Variants in JAKMIP2 observed in about 807,000 individuals in gnomAD.
JAKMIP2 encodes janus kinase and microtubule interacting protein 2.
Under a neutral mutation model 115.0 loss-of-function variants are expected in JAKMIP2, and 25 were observed. The ratio of observed to expected loss-of-function variants is 0.22; its 90% CI spans 0.16 to 0.30. JAKMIP2 has a LOEUF of 0.30. Ranked by LOEUF, JAKMIP2 falls within the 10% of genes least tolerant of loss-of-function variation. The pLI is 1.00. For missense variants in JAKMIP2, 642 were observed against 957.6 expected (o/e 0.67, Z 4.35); for synonymous variants, 334 against 343.6 (o/e 0.97, Z 0.31).
chr5:147,629,798 C>G (rs745709405), intron 14 of JAKMIP2, 52 bp from the exon 15 acceptor site: 29 of 1,410,540 alleles, frequency 2.1e-5, no homozygotes, highest in Non-Finnish European at 2.8e-5. Context: ...CCTCCTATTC[C>G]ATCAGTGCCT....
intron 1 of JAKMIP2, among the ~76,000 whole-genome samples, chr5:147,780,064 G>A (rs977303848): frequency 1.3e-5 from 2 of 152,078 alleles, no homozygotes; most frequent in Non-Finnish European, 2.9e-5. Context: ...TGAAACAAAC[G>A]ATTGCCATAT....
chr5:147,747,657 C>T (rs1298045505), intron 1 of JAKMIP2, among the ~76,000 whole-genome samples: 2 of 152,104 alleles, frequency 1.3e-5, no homozygotes, highest in Non-Finnish European at 2.9e-5. Context: ...GAGAGACTGT[C>T]CACTCAGAAT....
chr5:147,730,011 A>G (rs1460150895), intron 1 of JAKMIP2, among the ~76,000 whole-genome samples: 1 of 152,160 alleles, frequency 6.6e-6, no homozygotes, highest in Admixed American at 6.5e-5. Context: ...AATAGGAAGA[A>G]CAGCCATCTG....
intron 1 of JAKMIP2, among the ~76,000 whole-genome samples, chr5:147,718,732 C>T (rs1314997521): frequency 6.6e-6 from 1 of 152,114 alleles, no homozygotes; most frequent in African/African-American, 2.4e-5. Context: ...TTAGATTCTT[C>T]TCTCTTTTTT....
At position 147,661,164 on chromosome 5, in the gene JAKMIP2, G is replaced by A. The variant is rs765103823; in HGVS notation, c.411C>T (p.Ala137=). 4 of 1,613,842 alleles carry A rather than the reference G, an allele frequency of 2.5e-6. No homozygotes were observed. The highest frequency in any genetic ancestry group is 2.7e-5 in the African/African-American group (2 of 74,822). ...CAAACAGTTTCCGGGCCTCCTCCCG[G>A]GCCTCAATGGTGAGCGCTGTCCTTA... is the stretch of plus-strand genomic sequence containing the variant. ...DKVRTALTIE[A]REEARKLFDT... Residue 137 remains alanine (A), a synonymous_variant, in exon 3 of 22, where the codon GCC becomes GCT. Coordinates refer to ENST00000616793, the MANE Select transcript of JAKMIP2 (RefSeq NM_001270941.2).
intron 2 of JAKMIP2, among the ~76,000 whole-genome samples, chr5:147,662,609 GCT>G (rs1759071447): frequency 6.6e-6 from 1 of 151,772 alleles, no homozygotes; most frequent in African/African-American, 2.4e-5. Flanking sequence ...CTGCTGCTTG[GCT>G]CTGTCTCTGT....
chr5:147,590,608 A>C lies in JAKMIP2; in HGVS notation c.*1099T>G, dbSNP rs1314549989. The stretch of plus-strand genomic sequence containing the variant: ...AGTTTAATATTCACATCTCTGTGGC[A>C]AACCCGACTCTTGGTAGAAATTTAC... On this transcript the variant is annotated 3_prime_UTR_variant, in exon 22 of 22. Transcript: ENST00000616793. 1 of 152,256 alleles carries C rather than the reference A, an allele frequency of 6.6e-6. No homozygotes were observed. The highest frequency in any genetic ancestry group is 1.5e-5 in the Non-Finnish European group (1 of 68,050). The allele number at this position is 152,256 out of a possible 1,614,324, so 9.4% of individuals were successfully genotyped here. A position where few individuals can be genotyped will look rare whatever the true frequency, so the allele number is the denominator to read the frequency against.
intron 17 of JAKMIP2, among the ~76,000 whole-genome samples, chr5:147,621,771 C>T (rs1398627671): frequency 6.6e-6 from 1 of 152,162 alleles, no homozygotes; most frequent in African/African-American, 2.4e-5. Flanking sequence ...TAATGTGCCA[C>T]ACAAATGCAA....
intron 17 of JAKMIP2, among the ~76,000 whole-genome samples, chr5:147,621,476 C>A (rs117454284): frequency 1.3e-5 from 2 of 152,158 alleles, no homozygotes; most frequent in Non-Finnish European, 2.9e-5. Flanking sequence ...TTTGAGAGAT[C>A]GTGTATCTGT....
chr5:147,718,394 A>G (rs1446420803), intron 1 of JAKMIP2, among the ~76,000 whole-genome samples: 1 of 151,596 alleles, frequency 6.6e-6, no homozygotes, highest in Non-Finnish European at 1.5e-5. Flanking sequence ...CTCTTTTTCT[A>G]TTGATTAGAA....
intron 9 of JAKMIP2, 103 bp downstream of exon 9, chr5:147,640,601 C>G (rs1757836657): frequency 4.2e-6 from 5 of 1,203,694 alleles, no homozygotes; most frequent in Non-Finnish European, 5.9e-6. Context: ...TCACTTTGTG[C>G]TGTTTATATA....
chr5:147,637,542 C>A (rs983818964), intron 10 of JAKMIP2, among the ~76,000 whole-genome samples: 1 of 150,104 alleles, frequency 6.7e-6, no homozygotes, highest in African/African-American at 2.5e-5. Context: ...TGGGTTCAAG[C>A]AATTCTCCCG....
chr5:147,708,339 A>G (rs1034434885), intron 1 of JAKMIP2, among the ~76,000 whole-genome samples: 5 of 152,152 alleles, frequency 3.3e-5, no homozygotes, highest in Non-Finnish European at 7.3e-5. Flanking sequence ...CCACACAGCA[A>G]TTAGGTTCTA....
At chr5:147,781,236 CT>C (rs1415781032) in intron 1 of JAKMIP2, among the ~76,000 whole-genome samples, 1 of 152,120 alleles carries the variant, frequency 6.6e-6, no homozygotes. Context: ...CAAAACAATC[CT>C]ACTTTCCTAC....
intron 5 of JAKMIP2, among the ~76,000 whole-genome samples, chr5:147,646,858 A>G (rs1353071000): frequency 6.6e-6 from 1 of 151,540 alleles, no homozygotes; most frequent in Non-Finnish European, 1.5e-5. Flanking sequence ...ATCTAGTAAC[A>G]TAATTTCTAA....
chr5:147,742,917 C>G (rs1754204104), intron 1 of JAKMIP2, among the ~76,000 whole-genome samples: 1 of 152,118 alleles, frequency 6.6e-6, no homozygotes, highest in Non-Finnish European at 1.5e-5. Flanking sequence ...ATTTTACAAG[C>G]CTCCTTGATT....
Position 147,699,438 on chromosome 5 carries a change from G to GA in JAKMIP2, c.-148-27485dup, listed in dbSNP as rs559853726. Among the ~76,000 whole-genome samples the GA allele has an allele frequency of 4.6e-4, 68 of 149,442 alleles. 1 individual carries two copies. Among genetic ancestry groups the GA allele is most frequent in the African/African-American group, 6.1e-4 (25 of 40,796 alleles). ...ATCTAGGGAAGTTGTTTACATTGGT[G>GA]AAAAAAAAACAATTAGAGAGGGACT... On this transcript the variant is annotated intron_variant, in intron 1 of 21. Transcript: ENST00000616793.
At chr5:147,721,429 C>T (rs542593313) in intron 1 of JAKMIP2, among the ~76,000 whole-genome samples, 3 of 152,196 alleles carry the variant, frequency 2.0e-5, no homozygotes, top group Non-Finnish European at 2.9e-5. Flanking sequence ...TGGGCAATGG[C>T]GGGCGCCCCT....
At position 147,740,557 on chromosome 5, in the gene JAKMIP2, A is replaced by G. The variant is rs575920874; in HGVS notation, c.-149+41899T>C. Among the ~76,000 whole-genome samples, 16 of 152,308 alleles carry G rather than the reference A, an allele frequency of 1.1e-4. No homozygotes were observed. The South Asian group carries it at 2.7e-3, about 26-fold the overall frequency. On this transcript the variant is annotated intron_variant, in intron 1 of 21. Coordinates refer to ENST00000616793, the MANE Select transcript of JAKMIP2 (RefSeq NM_001270941.2). ...ACCCTACAACCCAAGGGCCTTCCCCATTGCTACTCAGCACACTTGAATTTC... is the reference window on the plus strand; with the variant it reads ...ACCCTACAACCCAAGGGCCTTCCCCGTTGCTACTCAGCACACTTGAATTTC...
Sources: gnomAD v4.1 joint callset for allele counts (sites outside exome capture counted in the v4.1 genomes callset) on GRCh38, gnomAD v4.1.1 for gene constraint, MANE v1.5 for transcripts, NCBI Gene and HGNC (gene_info 2026-07-23, HGNC 2026-07-21) for gene names.